The following RABGEF1 variants were observed in gnomAD, a reference collection of about 807,000 sequenced individuals.
RABGEF1 encodes the protein RAB guanine nucleotide exchange factor 1, also known as rab5 GDP/GTP exchange factor.
RABGEF1 carries 26 observed loss-of-function variants against 57.3 expected under a neutral mutation model. The ratio of observed to expected loss-of-function variants is 0.45; its 90% CI spans 0.33 to 0.63. RABGEF1 has a LOEUF of 0.63. RABGEF1 is among the 20% of genes least tolerant of loss of function. The probability of loss-of-function intolerance (pLI) is 0.02; values close to 1 mark genes in which losing one functional copy is unlikely to be tolerated. For missense variants in RABGEF1, 464 were observed against 607.6 expected (o/e 0.76, Z 2.48); for synonymous variants, 185 against 210.7 (o/e 0.88, Z 1.06).
At position 66,685,261 on chromosome 7, in the gene RABGEF1, C is replaced by T. The variant is rs185087808; in HGVS notation, c.-873+3003C>T. Among the ~76,000 whole-genome samples, 408 of 141,246 alleles carry T rather than the reference C, an allele frequency of 2.9e-3. 6 individuals carry two copies. Among genetic ancestry groups the T allele is most frequent in the African/African-American group, 9.2e-3 (352 of 38,148 alleles). The allele number at this position is 141,246 out of a possible 152,430, so 92.7% of individuals were successfully genotyped here. A position where few individuals can be genotyped will look rare whatever the true frequency, so the allele number is the denominator to read the frequency against. On this transcript the variant is annotated intron_variant and NMD_transcript_variant, in intron 1 of 9. Coordinates refer to the RABGEF1 transcript ENST00000607882. Reference sequence around the variant, plus strand: ...CTCCACCTCCTGGGTTCAAGTGATTCGCCTGCCTCAGCCTTCTGAGTACCT... The same window carrying T: ...CTCCACCTCCTGGGTTCAAGTGATTTGCCTGCCTCAGCCTTCTGAGTACCT...
At chr7:66,776,263 G>C (rs117468537) in intron 3 of RABGEF1, among the ~76,000 whole-genome samples, 1 of 152,176 alleles carries the variant, frequency 6.6e-6, no homozygotes, top group Non-Finnish European at 1.5e-5. Flanking sequence ...TCCCCTGAAG[G>C]CCGGGGAATG....
intron 2 of RABGEF1, among the ~76,000 whole-genome samples, chr7:66,720,661 C>T (rs1270374878): frequency 6.6e-6 from 1 of 152,132 alleles, no homozygotes; most frequent in African/African-American, 2.4e-5. Flanking sequence ...TCCACTCTTG[C>T]TGCTTGCATT....
At chr7:66,700,707 C>T (rs189332933) in intron 1 of RABGEF1, among the ~76,000 whole-genome samples, 92 of 152,344 alleles carry the variant, frequency 6.0e-4, no homozygotes, top group African/African-American at 2.1e-3. Context: ...CACCCTAAGC[C>T]GTGCCCTCTG....
At chr7:66,696,075 A>AT (rs938527751) in intron 1 of RABGEF1, among the ~76,000 whole-genome samples, 2 of 151,088 alleles carry the variant, frequency 1.3e-5, no homozygotes, top group Non-Finnish European at 1.5e-5. Context: ...ATATATATAT[A>AT]TTTTTTTCTT....
chr7:66,712,742 G>A lies in RABGEF1; in HGVS notation c.-815+518G>A, dbSNP rs574562590. Among the ~76,000 whole-genome samples the A allele has an allele frequency of 2.0e-5, 3 of 152,160 alleles. No homozygotes were observed. In the East Asian group the frequency reaches 5.8e-4, roughly 29 times the overall value. On this transcript the variant is annotated intron_variant and NMD_transcript_variant, in intron 2 of 9. Coordinates refer to the RABGEF1 transcript ENST00000607882. ...CCCACCTTGGCCTCCCAAAGTGCTG[G>A]GATTATAGGCGTGAGCCACTGCACC...
intron 2 of RABGEF1, among the ~76,000 whole-genome samples, chr7:66,728,021 C>T (rs1242080241): frequency 2.6e-5 from 4 of 152,220 alleles, no homozygotes; most frequent in African/African-American, 2.4e-5. Context: ...GACCCAATGT[C>T]CCCCTTCCAC....
intron 4 of RABGEF1, among the ~76,000 whole-genome samples, chr7:66,795,260 C>T (rs1317255714): frequency 1.3e-5 from 2 of 152,156 alleles, no homozygotes; most frequent in Admixed American, 1.3e-4. Context: ...GCCTGCGAGC[C>T]TAAATTTTTG....
intron 2 of RABGEF1, among the ~76,000 whole-genome samples, chr7:66,719,955 T>C (rs1428339330): frequency 6.6e-6 from 1 of 152,002 alleles, no homozygotes; most frequent in Non-Finnish European, 1.5e-5. Context: ...GATGCAAAAA[T>C]GCTTTAGAAA....
At chr7:66,772,816 G>A (rs1807480243) in intron 2 of RABGEF1, among the ~76,000 whole-genome samples, 1 of 151,836 alleles carries the variant, frequency 6.6e-6, no homozygotes, top group African/African-American at 2.4e-5. Context: ...GGAGACTGAG[G>A]CAGGAGAATT....
chr7:66,803,077 AAAAT>A (rs1157437190), intron 7 of RABGEF1, among the ~76,000 whole-genome samples: 1 of 152,248 alleles, frequency 6.6e-6, no homozygotes, highest in Non-Finnish European at 1.5e-5. Flanking sequence ...TAGAAAAAGA[AAAAT>A]AAATAGATCA....
chr7:66,791,340 A>G (rs566029633), intron 4 of RABGEF1, among the ~76,000 whole-genome samples: 1 of 152,318 alleles, frequency 6.6e-6, no homozygotes, highest in Non-Finnish European at 1.5e-5. Context: ...ACCTCAAGAT[A>G]TACTCCCTGG....
At chr7:66,794,772 T>G (rs1193394297) in intron 4 of RABGEF1, among the ~76,000 whole-genome samples, 1 of 152,102 alleles carries the variant, frequency 6.6e-6, no homozygotes, top group African/African-American at 2.4e-5. Flanking sequence ...CTTACAAAAT[T>G]ATTTATACCT....
intron 8 of RABGEF1, 51 bp from the exon 9 acceptor site, chr7:66,808,835 G>C: frequency 6.9e-7 from 1 of 1,445,362 alleles, no homozygotes; most frequent in Non-Finnish European, 9.4e-7. Flanking sequence ...AAATCGACTC[G>C]AGTATGCATA....
chr7:66,676,290 A>G, the RABGEF1 span, among the ~76,000 whole-genome samples: 2 of 151,768 alleles, frequency 1.3e-5, no homozygotes, highest in Non-Finnish European at 2.9e-5. Flanking sequence ...TTCAAAAAAT[A>G]TATATATATA....
chr7:66,802,874 A>C (rs557753108), intron 7 of RABGEF1, among the ~76,000 whole-genome samples: 2 of 152,344 alleles, frequency 1.3e-5, no homozygotes, highest in East Asian at 3.9e-4. Flanking sequence ...TGTCAACAGT[A>C]AAGATGAACA....
chr7:66,697,216 C>T lies in RABGEF1; in HGVS notation c.-872-14951C>T, dbSNP rs113813920. Among the ~76,000 whole-genome samples the T allele has an allele frequency of 2.8e-3, 429 of 152,250 alleles. 1 individual carries two copies. Among genetic ancestry groups the T allele is most frequent in the African/African-American group, 9.9e-3 (413 of 41,556 alleles). On this transcript the variant is annotated intron_variant and NMD_transcript_variant, in intron 1 of 9. Coordinates refer to the RABGEF1 transcript ENST00000607882. ...CTCCAGCCCAGCCCTACCTTGGATTCAATAAGAGACCCAGAGCCGACCTCT... is the reference window on the plus strand; with the variant it reads ...CTCCAGCCCAGCCCTACCTTGGATTTAATAAGAGACCCAGAGCCGACCTCT...
chr7:66,694,369 G>C (rs983252312), intron 1 of RABGEF1, among the ~76,000 whole-genome samples: 6 of 152,244 alleles, frequency 3.9e-5, no homozygotes, highest in Non-Finnish European at 7.3e-5. Context: ...TGATGGTCGG[G>C]AGAAGATGGA....
chr7:66,767,035 C>T (rs887980889), intron 1 of RABGEF1, among the ~76,000 whole-genome samples: 3 of 145,506 alleles, frequency 2.1e-5, no homozygotes, highest in African/African-American at 7.6e-5. Flanking sequence ...TGGCGTCTCC[C>T]TCTGTTGCCC....
the RABGEF1 span, among the ~76,000 whole-genome samples, chr7:66,662,633 G>C: frequency 6.6e-6 from 1 of 152,172 alleles, no homozygotes. Context: ...GAGACAGGAT[G>C]GAGGGAGGGA....
Sources: gnomAD v4.1 joint callset for allele counts (sites outside exome capture counted in the v4.1 genomes callset) on GRCh38, gnomAD v4.1.1 for gene constraint, MANE v1.5 for transcripts, NCBI Gene and HGNC (gene_info 2026-07-23, HGNC 2026-07-21) for gene names.